The following ATG7 variants were observed in gnomAD, a reference collection of about 807,000 sequenced individuals.
ATG7 encodes autophagy related 7.
ATG7 carries 70 observed loss-of-function variants against 82.4 expected under a neutral mutation model. The ratio of observed to expected loss-of-function variants is 0.85; its 90% CI spans 0.70 to 1.04. The LOEUF (loss-of-function observed/expected upper bound fraction) is 1.04, where lower values mean the gene tolerates loss of function less well. Among genes scored for constraint, ATG7 ranks in the 50% least tolerant of loss-of-function variants. The pLI is 0.00. For synonymous variants in ATG7, 287 were observed against 313.0 expected, an observed-to-expected ratio of 0.92 and a Z score of 0.88; for missense variants, 792 against 864.3, an observed-to-expected ratio of 0.92 and a Z score of 1.05.
intron 5 of ATG7, among the ~76,000 whole-genome samples, chr3:11,305,222 T>C (rs1947525977): frequency 6.6e-6 from 1 of 152,234 alleles, no homozygotes; most frequent in Non-Finnish European, 1.5e-5. Context: ...CCTCCCATGG[T>C]GGAACTTTAG....
At chr3:11,476,924 G>A (rs2088317443) in intron 20 of ATG7, among the ~76,000 whole-genome samples, 1 of 152,032 alleles carries the variant, frequency 6.6e-6, no homozygotes, top group South Asian at 2.1e-4. Context: ...ACAGATTATG[G>A]CCCTCTTTCC....
chr3:11,555,004 C>T lies in ATG7; in HGVS notation c.*161C>T, dbSNP rs538044270. On this transcript the variant is annotated 3_prime_UTR_variant, in exon 21 of 21. Transcript: ENST00000693202. The stretch of plus-strand genomic sequence containing the variant: ...CTGCTGCCCAGGAGTGGCCAGTGTT[C>T]GGCGTTGCTCGGGATTCAAGATACC... 59 of 841,558 alleles carry T rather than the reference C, an allele frequency of 7.0e-5. No individual in the cohort carries two copies. Among genetic ancestry groups the T allele is most frequent in the Non-Finnish European group, 8.8e-5 (50 of 565,804 alleles). 52.1% of individuals were successfully genotyped at this position (841,558 alleles called of 1,614,324 possible).
At chr3:11,481,157 A>G (rs2088922267) in intron 20 of ATG7, among the ~76,000 whole-genome samples, 1 of 152,220 alleles carries the variant, frequency 6.6e-6, no homozygotes, top group Non-Finnish European at 1.5e-5. Flanking sequence ...GTAAGCACCT[A>G]CTGTTGAGAA....
intron 19 of ATG7, among the ~76,000 whole-genome samples, chr3:11,399,090 G>T (rs995899769): frequency 4.6e-5 from 7 of 152,194 alleles, no homozygotes; most frequent in Admixed American, 4.6e-4. Flanking sequence ...GCTCACGCCT[G>T]TAATCCCAGC....
At chr3:11,426,948 T>A (rs202038106) in intron 20 of ATG7, 22 bp downstream of exon 20, 27 of 1,569,296 alleles carry the variant, frequency 1.7e-5, no homozygotes, top group Non-Finnish European at 2.3e-5. Context: ...ACAAGCTTTC[T>A]GTAGTGAAGA....
intron 19 of ATG7, among the ~76,000 whole-genome samples, chr3:11,395,791 T>C (rs1418805109): frequency 6.6e-6 from 1 of 151,596 alleles, no homozygotes; most frequent in Non-Finnish European, 1.5e-5. Flanking sequence ...ATACAAAAAA[T>C]TAGCCGGGCG....
the ATG7 span, chr3:11,564,976 G>A: frequency 4.6e-5 from 70 of 1,531,882 alleles, no homozygotes; most frequent in Admixed American, 1.1e-4. Flanking sequence ...CTGCGGCTCC[G>A]CTCCCGGGGG....
At chr3:11,458,451 G>T (rs1275695251) in intron 20 of ATG7, among the ~76,000 whole-genome samples, 1 of 152,078 alleles carries the variant, frequency 6.6e-6, no homozygotes, top group East Asian at 1.9e-4. Flanking sequence ...TTTTAGTAGA[G>T]ACTGGGTTTC....
At chr3:11,301,870 A>G (rs1331707480) in intron 5 of ATG7, among the ~76,000 whole-genome samples, 4 of 152,222 alleles carry the variant, frequency 2.6e-5, no homozygotes, top group Non-Finnish European at 5.9e-5. Flanking sequence ...TAAGGTTTTA[A>G]TAATTTTATT....
intron 20 of ATG7, among the ~76,000 whole-genome samples, chr3:11,438,528 T>C (rs1312865691): frequency 3.3e-5 from 5 of 152,112 alleles, no homozygotes; most frequent in African/African-American, 1.2e-4. Context: ...ATTGTACCAC[T>C]GTACTCCAGC....
the ATG7 span, among the ~76,000 whole-genome samples, chr3:11,566,404 C>G: frequency 3.9e-5 from 6 of 152,228 alleles, no homozygotes; most frequent in Non-Finnish European, 1.5e-5. Flanking sequence ...GAGACAACTA[C>G]CAACCTTATT....
chr3:11,434,960 C>T (rs1282731374), intron 20 of ATG7, among the ~76,000 whole-genome samples: 1 of 152,046 alleles, frequency 6.6e-6, no homozygotes, highest in African/African-American at 2.4e-5. Context: ...TGCATGCTTC[C>T]CCACTTAAAA....
At chr3:11,411,289 T>G (rs535554323) in intron 19 of ATG7, among the ~76,000 whole-genome samples, 159 of 152,266 alleles carry the variant, frequency 1.0e-3, no homozygotes, top group African/African-American at 3.5e-3. Context: ...AACTTGGTTG[T>G]TTGTTGTTGA....
chr3:11,462,320 G>C (rs1017601893), intron 20 of ATG7, among the ~76,000 whole-genome samples: 6 of 152,032 alleles, frequency 3.9e-5, no homozygotes, highest in Admixed American at 2.0e-4. Context: ...GGAGACACAG[G>C]AGAGGCTCAG....
chr3:11,325,327 AT>A (rs1252366235), intron 9 of ATG7, among the ~76,000 whole-genome samples: 1 of 152,176 alleles, frequency 6.6e-6, no homozygotes, highest in Non-Finnish European at 1.5e-5. Context: ...TGTTGTTACT[AT>A]TTGTTAAGCG....
intron 9 of ATG7, among the ~76,000 whole-genome samples, chr3:11,320,974 C>T (rs1950137136): frequency 6.6e-6 from 1 of 152,240 alleles, no homozygotes. Context: ...GAGTTACACA[C>T]ATGGTTACTG....
intron 20 of ATG7, among the ~76,000 whole-genome samples, chr3:11,540,668 A>T (rs962865677): frequency 6.6e-6 from 1 of 151,632 alleles, no homozygotes; most frequent in African/African-American, 2.4e-5. Context: ...TATTTTCTAG[A>T]CATGAGTTTT....
At chr3:11,375,780 G>A (rs2077373162) in intron 18 of ATG7, among the ~76,000 whole-genome samples, 1 of 152,186 alleles carries the variant, frequency 6.6e-6, no homozygotes, top group South Asian at 2.1e-4. Context: ...GGCTGGTCTT[G>A]AATTCCCGAC....
intron 20 of ATG7, among the ~76,000 whole-genome samples, chr3:11,526,983 TAATA>T (rs1332752327): frequency 6.6e-6 from 1 of 151,170 alleles, no homozygotes; most frequent in South Asian, 2.1e-4. Flanking sequence ...TTATAAAAAC[TAATA>T]GTGTGGTATA....
Sources: gnomAD v4.1 joint callset for allele counts (sites outside exome capture counted in the v4.1 genomes callset) on GRCh38, gnomAD v4.1.1 for gene constraint, MANE v1.5 for transcripts, NCBI Gene and HGNC (gene_info 2026-07-23, HGNC 2026-07-21) for gene names.